Variants in NSRP1 observed in about 807,000 individuals in gnomAD.
NSRP1 encodes nuclear speckle splicing regulatory protein 1, also known as coiled-coil domain containing 55.
NSRP1 carries 24 observed loss-of-function variants against 54.7 expected under a neutral mutation model. The observed-to-expected ratio is 0.44, with a 90% confidence interval of 0.32 to 0.62. NSRP1 has a LOEUF of 0.62. Among genes scored for constraint, NSRP1 ranks in the 20% least tolerant of loss-of-function variants. NSRP1 has a pLI of 0.06. For missense variants in NSRP1, 596 were observed against 651.2 expected (o/e 0.92, Z 0.92); for synonymous variants, 210 against 213.8 (o/e 0.98, Z 0.15).
rs145625350 is a variant in NSRP1, at chr17:30,151,367, A to G, written c.115-21175A>G. Among the ~76,000 whole-genome samples, 136 of 152,326 alleles carry G rather than the reference A, an allele frequency of 8.9e-4. 7 individuals are homozygous for G. The East Asian group carries it at 0.017, about 19-fold the overall frequency. On this transcript the variant is annotated intron_variant, in intron 2 of 6. Coordinates refer to ENST00000247026, the MANE Select transcript of NSRP1 (RefSeq NM_032141.4). Reference sequence around the variant, plus strand: ...ACTACCCCAAAACTTAACCACCAGTAGCCTATTGTTGACCAGAAGCCTCGT... The same window carrying G: ...ACTACCCCAAAACTTAACCACCAGTGGCCTATTGTTGACCAGAAGCCTCGT...
intron 2 of NSRP1, chr17:30,122,349 T>TGTGTGTGTA (rs1481107161): frequency 5.4e-4 from 39 of 72,310 alleles, no homozygotes; most frequent in African/African-American, 2.2e-3. Context: ...ATAACTCTGG[T>TGTGTGTGTA]TTCATATATA....
At chr17:30,175,456 A>G (rs1905095340) in intron 3 of NSRP1, among the ~76,000 whole-genome samples, 1 of 150,980 alleles carries the variant, frequency 6.6e-6, no homozygotes, top group African/African-American at 2.4e-5. Flanking sequence ...TGTTTTTGAG[A>G]TGGAGTCTTG....
chr17:30,179,549 G>T (rs1905234633), intron 5 of NSRP1, among the ~76,000 whole-genome samples: 1 of 152,082 alleles, frequency 6.6e-6, no homozygotes, highest in Non-Finnish European at 1.5e-5. Flanking sequence ...CTCATTTTGT[G>T]GCTTTTGCCT....
At chr17:30,117,508 T>C in intron 1 of NSRP1, 1 of 413,242 alleles carries the variant, frequency 2.4e-6, no homozygotes. Flanking sequence ...GGGATGGTTC[T>C]CTCAGATGCT....
chr17:30,130,267 TTTTTA>T (rs1261211273), intron 2 of NSRP1, among the ~76,000 whole-genome samples: 2 of 151,998 alleles, frequency 1.3e-5, no homozygotes, highest in Non-Finnish European at 2.9e-5. Context: ...GCCTAATTTT[TTTTTA>T]TTTTTTTGTT....
intron 2 of NSRP1, among the ~76,000 whole-genome samples, chr17:30,132,393 AAAAT>A (rs2071708835): frequency 6.6e-6 from 1 of 152,090 alleles, no homozygotes; most frequent in African/African-American, 2.4e-5. Flanking sequence ...TCTCTACTAA[AAAAT>A]AAAAAAGTTA....
chr17:30,185,867 A>AGTGT lies in NSRP1; in HGVS notation c.*196_*199dup. On this transcript the variant is annotated 3_prime_UTR_variant, in exon 7 of 7. Coordinates refer to ENST00000247026, the MANE Select transcript of NSRP1 (RefSeq NM_032141.4). Reference sequence around the variant, plus strand: ...TGGATGTTTGGCTGAATTTATATATAGTGTGTACTCATCAATACCACATTC... The same window carrying AGTGT: ...TGGATGTTTGGCTGAATTTATATATAGTGTGTGTGTACTCATCAATACCACATTC... The AGTGT allele has an allele frequency of 2.0e-6, 1 of 495,788 alleles. No individual in the cohort carries two copies. Among genetic ancestry groups the AGTGT allele is most frequent in the Non-Finnish European group, 3.4e-6 (1 of 289,944 alleles). 30.7% of individuals were successfully genotyped at this position (495,788 alleles called of 1,614,324 possible).
intron 3 of NSRP1, chr17:30,177,846 A>G: frequency 1.7e-6 from 1 of 580,686 alleles, no homozygotes. Context: ...AAATTAAGGT[A>G]CCAAAAGATT....
chr17:30,133,846 G>T (rs1180374356), intron 2 of NSRP1, among the ~76,000 whole-genome samples: 4 of 152,150 alleles, frequency 2.6e-5, no homozygotes, highest in Non-Finnish European at 4.4e-5. Context: ...CAATAAGGCT[G>T]TTTGCCTTCT....
chr17:30,176,618 C>CCA lies in NSRP1; in HGVS notation c.172-1453_172-1452insCA, dbSNP rs1555583105. ...GTGCAAGACTTCGTCCCCCCCCCCCCAAAAAAAAAACAGCCCTCAGTCTCC... is the reference window on the plus strand; with the variant it reads ...GTGCAAGACTTCGTCCCCCCCCCCCCCAAAAAAAAAAACAGCCCTCAGTCTCC... On this transcript the variant is annotated intron_variant, in intron 3 of 6. Coordinates refer to ENST00000247026, the MANE Select transcript of NSRP1 (RefSeq NM_032141.4). Among the ~76,000 whole-genome samples the CCA allele has an allele frequency of 8.9e-3, 1,065 of 120,338 alleles. 23 individuals are homozygous for CCA. The highest frequency in any genetic ancestry group is 0.054 in the East Asian group (189 of 3,472). 78.9% of individuals were successfully genotyped at this position (120,338 alleles called of 152,430 possible).
At chr17:30,172,416 G>A (rs1384910812) in intron 2 of NSRP1, 126 bp from the exon 3 acceptor site, 4 of 598,244 alleles carry the variant, frequency 6.7e-6, no homozygotes, top group Non-Finnish European at 1.1e-5. Flanking sequence ...TGCTGAACCA[G>A]TAAGTATTTT....
rs558823263 is a variant in NSRP1, at chr17:30,145,483, T to C, written c.115-27059T>C. 3.1e-4 allele frequency among the ~76,000 whole-genome samples: 47 copies of C among 152,216 alleles called. 1 individual carries two copies. Among genetic ancestry groups the C allele is most frequent in the Admixed American group, 1.4e-3 (22 of 15,290 alleles). On this transcript the variant is annotated intron_variant, in intron 2 of 6. Coordinates refer to ENST00000247026, the MANE Select transcript of NSRP1 (RefSeq NM_032141.4). ...CTGTAGTCCCAGCTACTTGGGAGACTGAGGCAGGAGAATCGCTTGAATCCG... is the reference window on the plus strand; with the variant it reads ...CTGTAGTCCCAGCTACTTGGGAGACCGAGGCAGGAGAATCGCTTGAATCCG...
chr17:30,167,707 A>C (rs535780733), intron 2 of NSRP1, among the ~76,000 whole-genome samples: 1 of 152,348 alleles, frequency 6.6e-6, no homozygotes, highest in South Asian at 2.1e-4. Context: ...AAAAAGAAAA[A>C]TATTTTCCCA....
chr17:30,173,017 G>A (rs1165606910), intron 3 of NSRP1, among the ~76,000 whole-genome samples: 1 of 150,990 alleles, frequency 6.6e-6, no homozygotes, highest in Non-Finnish European at 1.5e-5. Context: ...AGGCTGGAGT[G>A]CCGTGGTGCA....
rs545563115 is a variant in NSRP1 at position 30,171,542 on chromosome 17, A to G, written c.115-1000A>G. Reference sequence around the variant, plus strand: ...GCTGGTCTCAAAACTCCTGGCCTCAAGTGATCTGCCTGCCTCAGCCTCCCA... The same window carrying G: ...GCTGGTCTCAAAACTCCTGGCCTCAGGTGATCTGCCTGCCTCAGCCTCCCA... On this transcript the variant is annotated intron_variant, in intron 2 of 6. Transcript: ENST00000247026. 4.1e-3 allele frequency among the ~76,000 whole-genome samples: 625 copies of G among 152,104 alleles called. 5 individuals carry two copies. The highest frequency in any genetic ancestry group is 0.014 in the African/African-American group (594 of 41,504).
At chr17:30,145,797 G>A (rs189106973) in intron 2 of NSRP1, among the ~76,000 whole-genome samples, 1 of 151,798 alleles carries the variant, frequency 6.6e-6, no homozygotes, top group African/African-American at 2.4e-5. Flanking sequence ...CCGTATATCC[G>A]TGAATCTGCT....
chr17:30,170,215 G>T (rs555569408), intron 2 of NSRP1, among the ~76,000 whole-genome samples: 2 of 151,932 alleles, frequency 1.3e-5, no homozygotes, highest in Non-Finnish European at 2.9e-5. Context: ...AAAATTAATT[G>T]TGCATATTAA....
chr17:30,161,806 C>T (rs1292652751), intron 2 of NSRP1, among the ~76,000 whole-genome samples: 1 of 152,150 alleles, frequency 6.6e-6, no homozygotes, highest in Admixed American at 6.5e-5. Context: ...AACATTTTCT[C>T]TGTCACATTT....
At chr17:30,181,449 A>T (rs1597623318) in intron 6 of NSRP1, among the ~76,000 whole-genome samples, 1 of 131,026 alleles carries the variant, frequency 7.6e-6, no homozygotes, top group African/African-American at 2.9e-5. Context: ...CCTAGGGTGG[A>T]TGGAGTACAG....
Sources: allele counts gnomAD v4.1 joint callset (sites outside exome capture counted in the v4.1 genomes callset), GRCh38; gene constraint gnomAD v4.1.1; transcripts MANE v1.5; gene names NCBI Gene and HGNC (gene_info 2026-07-23, HGNC 2026-07-21).